Variants in STPG2 observed in about 807,000 individuals in gnomAD.
STPG2 encodes the protein sperm-tail PG-rich repeat-containing protein 2.
In STPG2, 56 loss-of-function variants were observed where a neutral mutation model predicts 54.2. The observed-to-expected ratio is 1.03, with a 90% CI of 0.83 to 1.29. The LOEUF (loss-of-function observed/expected upper bound fraction) is 1.29, where lower values mean the gene tolerates loss of function less well. Ranked by LOEUF, STPG2 falls within the 50% of genes most tolerant of loss-of-function variation. STPG2 has a pLI of 0.00. For synonymous variants in STPG2, 200 were observed against 181.8 expected, an observed-to-expected ratio of 1.10 and a Z score of -0.81; for missense variants, 596 against 544.9, an observed-to-expected ratio of 1.09 and a Z score of -0.93.
intron 9 of STPG2, among the ~76,000 whole-genome samples, chr4:97,785,044 G>A (rs796722250): frequency 1.9e-4 from 29 of 151,998 alleles, no homozygotes; most frequent in Admixed American, 5.2e-4. Context: ...AAAGATAGAG[G>A]TGCTACAATT....
At chr4:97,448,506 A>C (rs763617507) in intron 4 of STPG2, among the ~76,000 whole-genome samples, 4 of 152,046 alleles carry the variant, frequency 2.6e-5, no homozygotes, top group Non-Finnish European at 5.9e-5. Flanking sequence ...ATAGTGACTG[A>C]GTTCTCATGA....
chr4:97,710,859 G>A (rs551863920), intron 10 of STPG2, among the ~76,000 whole-genome samples: 1 of 152,082 alleles, frequency 6.6e-6, no homozygotes, highest in East Asian at 1.9e-4. Context: ...TACAGACTCA[G>A]TTCTCAACAG....
chr4:97,891,669 GA>G (rs1173042700), intron 8 of STPG2, among the ~76,000 whole-genome samples: 1 of 151,490 alleles, frequency 6.6e-6, no homozygotes, highest in Non-Finnish European at 1.5e-5. Flanking sequence ...CCTACAAGTA[GA>G]AAAAAAATCT....
At chr4:97,607,804 T>A (rs1426202534) in intron 10 of STPG2, among the ~76,000 whole-genome samples, 2 of 152,010 alleles carry the variant, frequency 1.3e-5, no homozygotes, top group Non-Finnish European at 2.9e-5. Flanking sequence ...AGAAAGAGGC[T>A]AGATGTTACC....
At chr4:97,773,189 T>A (rs1415638752) in intron 9 of STPG2, among the ~76,000 whole-genome samples, 4 of 152,174 alleles carry the variant, frequency 2.6e-5, no homozygotes, top group Admixed American at 1.3e-4. Context: ...TTCTTTTTTA[T>A]AAAACACAGT....
At chr4:97,639,360 G>A in intron 10 of STPG2, among the ~76,000 whole-genome samples, 1 of 151,936 alleles carries the variant, frequency 6.6e-6, no homozygotes, top group East Asian at 1.9e-4. Flanking sequence ...GGGTGGAGGG[G>A]GGAGGGATGG....
At chr4:97,568,020 G>A (rs1047114206) in intron 10 of STPG2, among the ~76,000 whole-genome samples, 3 of 152,134 alleles carry the variant, frequency 2.0e-5, no homozygotes, top group African/African-American at 7.2e-5. Context: ...ACTTTTAGAA[G>A]CACAGCAGTG....
chr4:98,094,729 G>A (rs535390567), intron 5 of STPG2, among the ~76,000 whole-genome samples: 1 of 152,240 alleles, frequency 6.6e-6, no homozygotes, highest in South Asian at 2.1e-4. Flanking sequence ...AAACCCCCAT[G>A]GATCAGTGGT....
At chr4:97,453,044 G>T (rs1054659463) in intron 4 of STPG2, among the ~76,000 whole-genome samples, 1 of 152,194 alleles carries the variant, frequency 6.6e-6, no homozygotes, top group East Asian at 1.9e-4. Context: ...GTTGAAACAT[G>T]AACTTGTTTA....
intron 8 of STPG2, among the ~76,000 whole-genome samples, chr4:97,859,693 G>A (rs1729453264): frequency 1.3e-5 from 2 of 152,038 alleles, no homozygotes; most frequent in Non-Finnish European, 2.9e-5. Context: ...TTGAAATCCT[G>A]ACCTCGTGAT....
At chr4:97,533,630 A>T (rs1316259814) in intron 4 of STPG2, among the ~76,000 whole-genome samples, 1 of 152,100 alleles carries the variant, frequency 6.6e-6, no homozygotes, top group Non-Finnish European at 1.5e-5. Context: ...GATTATTAGC[A>T]TTATAGATTA....
chr4:97,734,295 G>C (rs1272325673), intron 9 of STPG2, among the ~76,000 whole-genome samples: 1 of 152,094 alleles, frequency 6.6e-6, no homozygotes, highest in Non-Finnish European at 1.5e-5. Flanking sequence ...AAATTCAGGA[G>C]TACAGTTGCA....
At chr4:97,963,200 AT>A (rs1733957640) in intron 7 of STPG2, among the ~76,000 whole-genome samples, 2 of 151,396 alleles carry the variant, frequency 1.3e-5, no homozygotes, top group Admixed American at 1.3e-4. Flanking sequence ...AACAATAATT[AT>A]TTTTATCTAA....
At chr4:97,450,458 G>T (rs535163505) in intron 4 of STPG2, among the ~76,000 whole-genome samples, 2 of 152,228 alleles carry the variant, frequency 1.3e-5, no homozygotes, top group East Asian at 3.9e-4. Flanking sequence ...CCAAGAAGAG[G>T]TACATGGAGA....
intron 5 of STPG2, among the ~76,000 whole-genome samples, chr4:98,020,247 A>C (rs1736131109): frequency 7.6e-6 from 1 of 131,418 alleles, no homozygotes. Context: ...AATTTTGTCA[A>C]AGGCCTTTTC....
At chr4:97,849,952 T>C (rs1729097087) in intron 8 of STPG2, among the ~76,000 whole-genome samples, 1 of 152,090 alleles carries the variant, frequency 6.6e-6, no homozygotes, top group Non-Finnish European at 1.5e-5. Flanking sequence ...AATCATGCTG[T>C]TATAAAGACA....
At chr4:97,537,670 C>T (rs544011088) in intron 4 of STPG2, among the ~76,000 whole-genome samples, 8 of 152,284 alleles carry the variant, frequency 5.3e-5, no homozygotes, top group Non-Finnish European at 7.4e-5. Context: ...CTTAACTGTC[C>T]CTGTCTGACA....
chr4:97,519,558 G>T (rs1407784819), intron 4 of STPG2, among the ~76,000 whole-genome samples: 1 of 152,032 alleles, frequency 6.6e-6, no homozygotes, highest in Non-Finnish European at 1.5e-5. Context: ...AAGCACCCTT[G>T]TTATCATAAT....
intron 4 of STPG2, chr4:97,441,571 C>A (rs1729082349): frequency 6.6e-6 from 1 of 151,918 alleles, no homozygotes; most frequent in African/African-American, 2.4e-5. Context: ...TAAGTGGTAT[C>A]TCTATTTTAC....
Sources: gnomAD v4.1 joint callset for allele counts (sites outside exome capture counted in the v4.1 genomes callset) on GRCh38, gnomAD v4.1.1 for gene constraint, MANE v1.5 for transcripts, NCBI Gene and HGNC (gene_info 2026-07-23, HGNC 2026-07-21) for gene names.